Variants in DENND1B observed in about 807,000 individuals in gnomAD.
DENND1B encodes the protein DENN domain containing 1B.
In DENND1B, 59 loss-of-function variants were observed where a neutral mutation model predicts 90.1. That is an observed-to-expected ratio of 0.65 (90% CI 0.53 to 0.81). The LOEUF is 0.81. DENND1B is among the 40% of genes least tolerant of loss of function. DENND1B has a pLI of 0.00. For missense variants in DENND1B, 862 were observed against 912.6 expected, an observed-to-expected ratio of 0.94 and a Z score of 0.71; for synonymous variants, 337 against 324.6, an observed-to-expected ratio of 1.04 and a Z score of -0.41.
intron 3 of DENND1B, among the ~76,000 whole-genome samples, chr1:197,713,775 T>TTATAA (rs1553334329): frequency 6.9e-5 from 1 of 14,482 alleles, no homozygotes; most frequent in African/African-American, 4.8e-4. Context: ...TATTATATTA[T>TTATAA]TATATTATAT....
At chr1:197,759,790 T>TAGAG (rs966430708) in intron 2 of DENND1B, among the ~76,000 whole-genome samples, 1 of 149,328 alleles carries the variant, frequency 6.7e-6, no homozygotes, top group African/African-American at 2.5e-5. Context: ...AGATACCTCT[T>TAGAG]AGAGAGCACC....
chr1:197,610,704 T>A (rs1677106878), intron 12 of DENND1B, among the ~76,000 whole-genome samples: 1 of 150,804 alleles, frequency 6.6e-6, no homozygotes. Flanking sequence ...ACAAATTAAG[T>A]ACCTACTCAT....
chr1:197,596,654 ACAC>A (rs1275747286), intron 13 of DENND1B, among the ~76,000 whole-genome samples: 5 of 151,872 alleles, frequency 3.3e-5, no homozygotes, highest in African/African-American at 9.7e-5. Flanking sequence ...ATATACACAC[ACAC>A]AACACATGCA....
chr1:197,535,969 G>A (rs1669846749), intron 20 of DENND1B, among the ~76,000 whole-genome samples: 1 of 151,770 alleles, frequency 6.6e-6, no homozygotes, highest in Non-Finnish European at 1.5e-5. Flanking sequence ...TAAGCAGAAA[G>A]AACAGGCCAA....
At chr1:197,652,097 T>C in intron 7 of DENND1B, 138 bp downstream of exon 7, 1 of 649,538 alleles carries the variant, frequency 1.5e-6, no homozygotes, top group Non-Finnish European at 2.7e-6. Context: ...ATTATCACCT[T>C]GTTATGTTAG....
intron 5 of DENND1B, among the ~76,000 whole-genome samples, chr1:197,659,561 TA>T (rs1302321900): frequency 2.6e-5 from 4 of 151,862 alleles, no homozygotes; most frequent in Non-Finnish European, 1.5e-5. Context: ...CCTCTGGAAA[TA>T]ACTCCAAAAT....
At chr1:197,564,552 T>C (rs1411675831) in intron 15 of DENND1B, among the ~76,000 whole-genome samples, 4 of 151,964 alleles carry the variant, frequency 2.6e-5, no homozygotes, top group Non-Finnish European at 5.9e-5. Flanking sequence ...ATAAACCTAA[T>C]GTTTATATGC....
chr1:197,676,430 A>G (rs1656083498), intron 3 of DENND1B, among the ~76,000 whole-genome samples: 1 of 151,020 alleles, frequency 6.6e-6, no homozygotes, highest in South Asian at 2.1e-4. Context: ...ACATATACAA[A>G]CACACACACA....
chr1:197,655,559 T>C (rs1474223338), intron 6 of DENND1B, among the ~76,000 whole-genome samples: 1 of 147,468 alleles, frequency 6.8e-6, no homozygotes, highest in Non-Finnish European at 1.5e-5. Context: ...TGAGACGGAG[T>C]CTCGCTCTGT....
At chr1:197,565,357 C>T (rs2125714083) in intron 15 of DENND1B, among the ~76,000 whole-genome samples, 1 of 152,122 alleles carries the variant, frequency 6.6e-6, no homozygotes, top group Non-Finnish European at 1.5e-5. Context: ...CTCAGGATCT[C>T]ATAGAATTTC....
intron 5 of DENND1B, among the ~76,000 whole-genome samples, chr1:197,667,958 T>C (rs1199509682): frequency 1.3e-5 from 2 of 152,174 alleles, no homozygotes; most frequent in African/African-American, 4.8e-5. Context: ...AAAAAGTAGA[T>C]AAATGCTGAA....
At chr1:197,760,841 G>A (rs978635653) in intron 2 of DENND1B, among the ~76,000 whole-genome samples, 8 of 152,050 alleles carry the variant, frequency 5.3e-5, no homozygotes, top group Non-Finnish European at 1.2e-4. Flanking sequence ...AAGCTAAAAT[G>A]AGACAAATAT....
intron 15 of DENND1B, among the ~76,000 whole-genome samples, chr1:197,568,616 T>C (rs978551121): frequency 1.3e-5 from 2 of 152,074 alleles, no homozygotes; most frequent in East Asian, 1.9e-4. Flanking sequence ...GAAGCCATAA[T>C]AACCAAAATG....
intron 2 of DENND1B, among the ~76,000 whole-genome samples, chr1:197,739,956 C>A (rs1025402109): frequency 3.3e-5 from 5 of 152,152 alleles, no homozygotes; most frequent in Admixed American, 6.5e-5. Flanking sequence ...TTAACAGTTC[C>A]TTTCAGTTAC....
At chr1:197,597,497 A>G (rs190842577) in intron 13 of DENND1B, among the ~76,000 whole-genome samples, 53 of 151,994 alleles carry the variant, frequency 3.5e-4, no homozygotes, top group African/African-American at 1.4e-4. Context: ...TTTTAAAAAT[A>G]AAACATGAAA....
At chr1:197,681,957 TTTTG>T (rs1185630691) in intron 3 of DENND1B, among the ~76,000 whole-genome samples, 1 of 150,240 alleles carries the variant, frequency 6.7e-6, no homozygotes, top group East Asian at 1.9e-4. Flanking sequence ...ACCTTGGTTT[TTTTG>T]TTTTTGTTTT....
Position 197,573,688 on chromosome 1 carries a change from T to A in DENND1B, c.1149+9464A>T, listed in dbSNP as rs553030468. 2.0e-5 allele frequency among the ~76,000 whole-genome samples: 3 copies of A among 152,290 alleles called. No homozygotes were observed. In the South Asian group the frequency reaches 6.2e-4, roughly 32 times the overall value. On this transcript the variant is annotated intron_variant, in intron 15 of 22. Transcript: ENST00000620048. ...GGCCAATATTTCTGACAAACATTGA[T>A]GCGAAAATCCTCAATAAAATACTGG...
At position 197,647,079 on chromosome 1, in the gene DENND1B, C is replaced by T. The variant is rs1378582743; in HGVS notation, c.483G>A (p.Leu161=). 6.8e-7 allele frequency: 1 copy of T among 1,463,232 alleles called. No individual in the cohort carries two copies. 90.6% of individuals were successfully genotyped at this position (1,463,232 alleles called of 1,614,324 possible). Residue 161 remains leucine, a synonymous_variant, in exon 8 of 23, where the codon CTG becomes CTA. Coordinates refer to ENST00000620048, the MANE Select transcript of DENND1B (RefSeq NM_001195215.2). Reference sequence around the variant, plus strand: ...CCGGTACTAGAGCAGGCTGATCTTTCAGAACTTGCTCACAGGCAATAAATA... The same window carrying T: ...CCGGTACTAGAGCAGGCTGATCTTTTAGAACTTGCTCACAGGCAATAAATA... The part of the protein sequence containing the change: ...QEIFIACEQV[L]KDQPALVPHS...
chr1:197,568,000 G>A (rs1317804806), intron 15 of DENND1B, among the ~76,000 whole-genome samples: 1 of 151,244 alleles, frequency 6.6e-6, no homozygotes, highest in African/African-American at 2.4e-5. Context: ...GATGAGGGGA[G>A]GGAGGGAAGG....
Sources: allele counts gnomAD v4.1 joint callset (sites outside exome capture counted in the v4.1 genomes callset), GRCh38; gene constraint gnomAD v4.1.1; transcripts MANE v1.5; gene names NCBI Gene and HGNC (gene_info 2026-07-23, HGNC 2026-07-21).